The following TOPBP1 variants were observed in gnomAD, a reference collection of about 807,000 sequenced individuals.
TOPBP1 encodes DNA topoisomerase 2-binding protein 1.
Under a neutral mutation model 167.7 loss-of-function variants are expected in TOPBP1, and 28 were observed. That is an observed-to-expected ratio of 0.17 (90% CI 0.12 to 0.23). TOPBP1 has a LOEUF of 0.23. TOPBP1 is among the 10% of genes least tolerant of loss of function. The pLI is 1.00. For synonymous variants in TOPBP1, 598 were observed against 611.4 expected (o/e 0.98, Z 0.32); for missense variants, 1,554 against 1,809.6 (o/e 0.86, Z 2.56).
rs377093893 is a variant in TOPBP1 at position 133,623,419 on chromosome 3, A to G, written c.2967T>C (p.Tyr989=). ...TCATTTTGGGATTATAAGTATGTGG[A>G]TAAAGAGATTCAGGAAGATGTTTAC... ...QECKHLPESL[Y]PHTYNPKMSL... is the part of the protein sequence containing the mutation. Residue 989 remains tyrosine, a synonymous_variant, in exon 18 of 28, where the codon TAT becomes TAC. Coordinates refer to ENST00000260810, the MANE Select transcript of TOPBP1 (RefSeq NM_007027.4). 53 of 1,612,646 alleles carry G rather than the reference A, an allele frequency of 3.3e-5. No homozygotes were observed. Among genetic ancestry groups the G allele is most frequent in the Non-Finnish European group, 4.5e-5 (53 of 1,179,312 alleles).
At chr3:133,626,071 A>AT (rs982639104) in intron 16 of TOPBP1, among the ~76,000 whole-genome samples, 2 of 152,100 alleles carry the variant, frequency 1.3e-5, no homozygotes, top group African/African-American at 2.4e-5. Context: ...GGTTTGGCAA[A>AT]TTTTTTCTTA....
chr3:133,650,378 A>T (rs954131573), intron 8 of TOPBP1, among the ~76,000 whole-genome samples: 1 of 58,980 alleles, frequency 1.7e-5, no homozygotes, highest in Non-Finnish European at 3.2e-5. Flanking sequence ...GGGCGGGGGG[A>T]GGGGTTGTTT....
chr3:133,650,479 A>C (rs1936252881), intron 8 of TOPBP1, among the ~76,000 whole-genome samples: 1 of 152,018 alleles, frequency 6.6e-6, no homozygotes, highest in African/African-American at 2.4e-5. Flanking sequence ...TACCTTACTC[A>C]CAGAGTTGAC....
At chr3:133,636,184 T>G (rs1935666665) in intron 14 of TOPBP1, among the ~76,000 whole-genome samples, 1 of 152,202 alleles carries the variant, frequency 6.6e-6, no homozygotes, top group African/African-American at 2.4e-5. Context: ...TATAGTGGCT[T>G]CTCAATGATT....
Position 133,628,343 on chromosome 3 carries a change from A to G in TOPBP1, c.2804+19T>C, listed in dbSNP as rs895469535. ...AATTTCAGTCATATCACCATGAAAC[A>G]GAAAGATGTGCCAACTACCTGTAAT... On this transcript the variant is annotated intron_variant, in intron 16 of 27. Coordinates refer to ENST00000260810, the MANE Select transcript of TOPBP1 (RefSeq NM_007027.4). The G allele has an allele frequency of 6.4e-7, 1 of 1,574,562 alleles. No homozygotes were observed. Among genetic ancestry groups the G allele is most frequent in the Non-Finnish European group, 8.6e-7 (1 of 1,157,098 alleles).
intron 3 of TOPBP1, 135 bp from the exon 4 acceptor site, chr3:133,658,076 G>A: frequency 9.6e-6 from 6 of 626,800 alleles, no homozygotes; most frequent in Admixed American, 4.1e-5. Context: ...ATCATTACAA[G>A]AAAAAAATAA....
intron 27 of TOPBP1, among the ~76,000 whole-genome samples, chr3:133,606,936 C>A (rs1934512676): frequency 6.6e-6 from 1 of 151,966 alleles, no homozygotes; most frequent in African/African-American, 2.4e-5. Flanking sequence ...CACACACACA[C>A]CAACAAACAA....
chr3:133,636,348 T>C (rs1436314468), intron 14 of TOPBP1, among the ~76,000 whole-genome samples: 1 of 152,156 alleles, frequency 6.6e-6, no homozygotes, highest in East Asian at 1.9e-4. Flanking sequence ...GGCCCTTTCA[T>C]GTTTTAAGTA....
rs368043884 is a variant in TOPBP1, at chr3:133,644,095, C to T, written c.1773G>A (p.Ala591=). Residue 591 remains alanine (A), a synonymous_variant, in exon 11 of 28, where the codon GCG becomes GCA. Coordinates refer to ENST00000260810, the MANE Select transcript of TOPBP1 (RefSeq NM_007027.4). ...KIMSLLSRTV[A]DYAVVPLLGC... is the part of the protein sequence containing the mutation. Reference sequence around the variant, plus strand: ...CCAGCAGAGGAACCACAGCATAATCCGCAACAGTTCTGCTCAGAAGGGACA... The same window carrying T: ...CCAGCAGAGGAACCACAGCATAATCTGCAACAGTTCTGCTCAGAAGGGACA... The T allele has an allele frequency of 6.8e-6, 11 of 1,613,830 alleles. No homozygotes were observed. The highest frequency in any genetic ancestry group is 1.7e-4 in the Middle Eastern group (1 of 6,060).
At chr3:133,629,968 A>C (rs1344604562) in intron 14 of TOPBP1, among the ~76,000 whole-genome samples, 1 of 152,016 alleles carries the variant, frequency 6.6e-6, no homozygotes, top group Non-Finnish European at 1.5e-5. Flanking sequence ...TCGTATTTTT[A>C]GTAGAGACAG....
At chr3:133,631,608 C>T (rs999540165) in intron 14 of TOPBP1, among the ~76,000 whole-genome samples, 1 of 152,094 alleles carries the variant, frequency 6.6e-6, no homozygotes, top group Non-Finnish European at 1.5e-5. Flanking sequence ...ATTATGGGGG[C>T]GGATTTCCCC....
chr3:133,606,372 AAAG>A (rs1404874347), intron 27 of TOPBP1, among the ~76,000 whole-genome samples: 6 of 152,174 alleles, frequency 3.9e-5, no homozygotes, highest in African/African-American at 7.2e-5. Flanking sequence ...GAGAGAAATT[AAAG>A]AAGACCTAAA....
At chr3:133,621,820 T>C (rs537528924) in intron 19 of TOPBP1, among the ~76,000 whole-genome samples, 1 of 152,284 alleles carries the variant, frequency 6.6e-6, no homozygotes, top group South Asian at 2.1e-4. Flanking sequence ...AAACAGAACA[T>C]ATTAAATCTA....
intron 8 of TOPBP1, among the ~76,000 whole-genome samples, 198 bp downstream of exon 8, chr3:133,652,265 C>T (rs1187432502): frequency 6.6e-6 from 1 of 151,986 alleles, no homozygotes; most frequent in Non-Finnish European, 1.5e-5. Context: ...TAAAAGATAA[C>T]AGAGGAAGAT....
Position 133,656,842 on chromosome 3 carries a change from A to G in TOPBP1, c.379T>C (p.Tyr127His), listed in dbSNP as rs1936492541. The G allele has an allele frequency of 1.3e-6, 2 of 1,578,298 alleles. No homozygotes were observed. The highest frequency in any genetic ancestry group is 1.7e-6 in the Non-Finnish European group (2 of 1,163,452). Residue 127 changes from tyrosine (Y) to histidine (H), a missense_variant, in exon 5 of 28, where the codon TAT becomes CAT. Physicochemically the swap from Tyr to His is moderately conservative, Grantham distance 83. This residue lies in a region of TOPBP1 where 1,197 missense variants were observed against 1,351.5 expected (regional missense o/e 0.89). Transcript: ENST00000260810. Reference sequence around the variant, plus strand: ...ACTCGTCCGCCCATCATTTGTACATATTTATGAACTTCTTCCTGCAGCCCC... The same window carrying G: ...ACTCGTCCGCCCATCATTTGTACATGTTTATGAACTTCTTCCTGCAGCCCC... Reference protein sequence around the residue: ...EKEKREEVHKYVQMMGGRVYR... With the variant: ...EKEKREEVHKHVQMMGGRVYR...
chr3:133,619,810 G>A (rs979914157), intron 20 of TOPBP1, among the ~76,000 whole-genome samples: 1 of 152,204 alleles, frequency 6.6e-6, no homozygotes, highest in East Asian at 1.9e-4. Context: ...AGCAGGTGCT[G>A]CTGTAAGACA....
intron 21 of TOPBP1, 68 bp from the exon 22 acceptor site, chr3:133,617,394 T>G: frequency 7.0e-7 from 1 of 1,438,222 alleles, no homozygotes; most frequent in East Asian, 2.5e-5. Context: ...CTAGGAAATA[T>G]TCTCATCTGT....
intron 27 of TOPBP1, among the ~76,000 whole-genome samples, chr3:133,606,381 CTAAA>C (rs1442962261): frequency 6.6e-6 from 1 of 151,888 alleles, no homozygotes; most frequent in Non-Finnish European, 1.5e-5. Flanking sequence ...TAAAGAAGAC[CTAAA>C]TAGAGACATT....
rs367714492 is a variant in TOPBP1, at chr3:133,622,248, T to C, written c.3178+843A>G. Among the ~76,000 whole-genome samples, 8 of 139,780 alleles carry C rather than the reference T, an allele frequency of 5.7e-5. 1 individual carries two copies. The highest frequency in any genetic ancestry group is 2.2e-4 in the East Asian group (1 of 4,644). 91.7% of individuals were successfully genotyped at this position (139,780 alleles called of 152,430 possible). On this transcript the variant is annotated intron_variant, in intron 19 of 27. Coordinates refer to ENST00000260810, the MANE Select transcript of TOPBP1 (RefSeq NM_007027.4). The stretch of plus-strand genomic sequence containing the variant: ...TCTTCTTGCCCAGGCTGGAGTGCAA[T>C]GGCATGATCTCGGCTCACCGCAACC...
Sources: allele counts gnomAD v4.1 joint callset (sites outside exome capture counted in the v4.1 genomes callset), GRCh38; gene constraint gnomAD v4.1.1; regional missense constraint gnomAD v4.1.1; transcripts MANE v1.5; gene names NCBI Gene and HGNC (gene_info 2026-07-23, HGNC 2026-07-21).